UNC13C: variants seen among roughly 807,000 people sequenced by gnomAD.
The protein encoded by UNC13C is protein unc-13 homolog C.
In UNC13C, 174 loss-of-function variants were observed where a neutral mutation model predicts 245.4. That is an observed-to-expected ratio of 0.71 (90% confidence interval 0.63 to 0.80). The LOEUF (loss-of-function observed/expected upper bound fraction) is 0.80, where lower values mean the gene tolerates loss of function less well. Among genes scored for constraint, UNC13C ranks in the 30% least tolerant of loss-of-function variants. UNC13C has a pLI of 0.00. For synonymous variants in UNC13C, 992 were observed against 895.1 expected (o/e 1.11, Z -1.93); for missense variants, 2,829 against 2,602.9 (o/e 1.09, Z -1.89).
intron 19 of UNC13C, among the ~76,000 whole-genome samples, chr15:54,435,753 AAAAAT>A (rs1476954950): frequency 5.3e-5 from 5 of 94,866 alleles, no homozygotes; most frequent in Admixed American, 1.2e-4. Context: ...AATAATAAAT[AAAAAT>A]AAAAAAAGAA....
the UNC13C span, among the ~76,000 whole-genome samples, chr15:53,844,188 A>T: frequency 6.6e-6 from 1 of 152,212 alleles, no homozygotes; most frequent in Non-Finnish European, 1.5e-5. Flanking sequence ...CACTGTAGAT[A>T]AGCATGTTTG....
intron 1 of UNC13C, among the ~76,000 whole-genome samples, chr15:54,002,728 T>C (rs1894954430): frequency 6.6e-6 from 1 of 152,232 alleles, no homozygotes; most frequent in Non-Finnish European, 1.5e-5. Flanking sequence ...GAAATCTCTT[T>C]TAATCTCAAA....
chr15:54,258,108 C>A (rs768824336), intron 8 of UNC13C, among the ~76,000 whole-genome samples: 1 of 152,046 alleles, frequency 6.6e-6, no homozygotes, highest in African/African-American at 2.4e-5. Context: ...GGATGTTAAC[C>A]ACCCACTTTC....
Position 54,194,408 on chromosome 15 carries a change from T to C in UNC13C, c.3072-40622T>C, listed in dbSNP as rs530792933. On this transcript the variant is annotated intron_variant, in intron 4 of 32. Transcript: ENST00000260323. ...TAGAATATTTTTTATTCTTCAAAGT[T>C]CTTGGACATTATTTGTGGCAAGGAC... Among the ~76,000 whole-genome samples the C allele has an allele frequency of 4.6e-5, 7 of 152,276 alleles. No homozygotes were observed. In the East Asian group the frequency reaches 1.4e-3, roughly 29 times the overall value.
At chr15:54,336,589 T>A (rs561280484) in intron 16 of UNC13C, among the ~76,000 whole-genome samples, 1 of 152,222 alleles carries the variant, frequency 6.6e-6, no homozygotes, top group South Asian at 2.1e-4. Context: ...TTACCTTTTA[T>A]ATTTGGGCAT....
intron 29 of UNC13C, among the ~76,000 whole-genome samples, chr15:54,556,740 T>A (rs1267871206): frequency 7.5e-5 from 3 of 40,006 alleles, no homozygotes; most frequent in Non-Finnish European, 1.2e-4. Flanking sequence ...TAAAAGGACA[T>A]GCTAGTAGAA....
rs752280503 is a variant in UNC13C, at chr15:54,294,068, AT to A, written c.3988+15del. 0.03 allele frequency: 30,401 copies of A among 1,023,144 alleles called. No individual in the cohort carries two copies. The highest frequency in any genetic ancestry group is 0.064 in the South Asian group (3,327 of 51,900). The allele number at this position is 1,023,144 out of a possible 1,614,324, so 63.4% of individuals were successfully genotyped here. On this transcript the variant is annotated splice_donor_5th_base_variant and intron_variant, in intron 11 of 32. Coordinates refer to ENST00000260323, the MANE Select transcript of UNC13C (RefSeq NM_001080534.3). ...ATGGATGTCTGGTACAACTTAGGTG[AT>A]TTTTTTTTTTATCTACTTGAAAACG...
At chr15:54,391,456 C>A (rs1291467346) in intron 17 of UNC13C, among the ~76,000 whole-genome samples, 1 of 151,914 alleles carries the variant, frequency 6.6e-6, no homozygotes, top group Non-Finnish European at 1.5e-5. Flanking sequence ...ACTTAAAAGG[C>A]AGCAAAGCTT....
intron 1 of UNC13C, among the ~76,000 whole-genome samples, chr15:54,004,594 C>G (rs982727436): frequency 2.2e-4 from 33 of 152,154 alleles, no homozygotes; most frequent in African/African-American, 7.7e-4. Flanking sequence ...AAACTGTTCT[C>G]CATAGTGGTT....
At chr15:54,248,209 A>G (rs985437979) in intron 7 of UNC13C, among the ~76,000 whole-genome samples, 1 of 152,070 alleles carries the variant, frequency 6.6e-6, no homozygotes, top group Admixed American at 6.6e-5. Flanking sequence ...TTATTATTCT[A>G]TTTTTATTAT....
At chr15:54,256,282 C>T (rs1039441891) in intron 8 of UNC13C, among the ~76,000 whole-genome samples, 1 of 152,188 alleles carries the variant, frequency 6.6e-6, no homozygotes, top group East Asian at 1.9e-4. Flanking sequence ...TCGGCAAGAT[C>T]GTGCTAGAAA....
At chr15:54,617,441 G>T (rs1442677354) in intron 30 of UNC13C, among the ~76,000 whole-genome samples, 2 of 151,948 alleles carry the variant, frequency 1.3e-5, no homozygotes, top group African/African-American at 4.8e-5. Flanking sequence ...ATAAGTTAGA[G>T]ATCTGAAGTC....
rs144213331 is a variant in UNC13C at position 54,272,247 on chromosome 15, T to C, written c.3818+6751T>C. On this transcript the variant is annotated intron_variant, in intron 10 of 32. Transcript: ENST00000260323. Reference sequence around the variant, plus strand: ...TCAATTCCTAGCTACCCAGATGTGGTGCGCAGAGTGCCTCAGGCCCATGGC... The same window carrying C: ...TCAATTCCTAGCTACCCAGATGTGGCGCGCAGAGTGCCTCAGGCCCATGGC... Among the ~76,000 whole-genome samples, 3 of 152,280 alleles carry C rather than the reference T, an allele frequency of 2.0e-5. No homozygotes were observed. The East Asian group carries it at 5.8e-4, about 29-fold the overall frequency.
chr15:54,519,922 T>C (rs1895142862), intron 24 of UNC13C, among the ~76,000 whole-genome samples: 1 of 152,062 alleles, frequency 6.6e-6, no homozygotes, highest in Non-Finnish European at 1.5e-5. Context: ...CCCTATAAGA[T>C]GAAAAGATTC....
intron 18 of UNC13C, among the ~76,000 whole-genome samples, chr15:54,402,024 T>A (rs1466741955): frequency 1.3e-5 from 2 of 151,032 alleles, no homozygotes; most frequent in Non-Finnish European, 2.9e-5. Flanking sequence ...AAATGACACA[T>A]GTATTTCAAT....
At chr15:53,865,345 G>A in the UNC13C span, among the ~76,000 whole-genome samples, 2 of 152,128 alleles carry the variant, frequency 1.3e-5, no homozygotes, top group Non-Finnish European at 2.9e-5. Context: ...CGGTTTTGGA[G>A]GCTGGAAATC....
intron 2 of UNC13C, among the ~76,000 whole-genome samples, chr15:54,071,920 C>T (rs1898348780): frequency 6.6e-6 from 1 of 152,140 alleles, no homozygotes. Flanking sequence ...CTCTTGATAT[C>T]TCTGGCTCCT....
At chr15:54,069,203 G>C (rs1898207004) in intron 2 of UNC13C, among the ~76,000 whole-genome samples, 1 of 152,156 alleles carries the variant, frequency 6.6e-6, no homozygotes, top group Non-Finnish European at 1.5e-5. Flanking sequence ...TTCCTCTTCT[G>C]TCTGAAAGTG....
chr15:54,369,816 G>T (rs960170884), intron 17 of UNC13C, among the ~76,000 whole-genome samples: 1 of 152,126 alleles, frequency 6.6e-6, no homozygotes, highest in Admixed American at 6.5e-5. Flanking sequence ...AAACCAAAAG[G>T]GTATGTGGGC....
Sources: allele counts gnomAD v4.1 joint callset (sites outside exome capture counted in the v4.1 genomes callset), GRCh38; gene constraint gnomAD v4.1.1; transcripts MANE v1.5; gene names NCBI Gene and HGNC (gene_info 2026-07-23, HGNC 2026-07-21).